The following DOCK7 variants were observed in gnomAD, a reference collection of about 807,000 sequenced individuals.
DOCK7 encodes dedicator of cytokinesis protein 7.
In DOCK7, 138 loss-of-function variants were observed where a neutral mutation model predicts 271.0. The observed-to-expected ratio is 0.51, with a 90% confidence interval of 0.44 to 0.59. DOCK7 has a LOEUF of 0.59. DOCK7 is among the 20% of genes least tolerant of loss of function. The pLI is 0.00. For missense variants in DOCK7, 2,066 were observed against 2,592.4 expected (o/e 0.80, Z 4.41); for synonymous variants, 823 against 876.1 (o/e 0.94, Z 1.07).
At chr1:62,562,959 C>T (rs1052268225) in intron 18 of DOCK7, among the ~76,000 whole-genome samples, 1 of 152,164 alleles carries the variant, frequency 6.6e-6, no homozygotes, top group Non-Finnish European at 1.5e-5. Context: ...AAATGAGGTA[C>T]CCCTCTCCCC....
At chr1:62,650,285 G>A (rs375296394) in intron 4 of DOCK7, among the ~76,000 whole-genome samples, 10 of 152,078 alleles carry the variant, frequency 6.6e-5, no homozygotes, top group East Asian at 5.8e-4. Context: ...AGTTGGTTTC[G>A]TTCACTGCTG....
At chr1:62,668,547 C>G (rs575356463) in intron 1 of DOCK7, among the ~76,000 whole-genome samples, 14 of 152,126 alleles carry the variant, frequency 9.2e-5, no homozygotes, top group African/African-American at 3.4e-4. Flanking sequence ...AGTAAAATGT[C>G]CTTGTATTAA....
intron 14 of DOCK7, among the ~76,000 whole-genome samples, chr1:62,594,469 A>G (rs1286027360): frequency 6.6e-6 from 1 of 152,072 alleles, no homozygotes; most frequent in African/African-American, 2.4e-5. Context: ...AAATTGCACA[A>G]ATTTTGCAAA....
chr1:62,578,981 A>C lies in DOCK7; in HGVS notation c.1872-15T>G. On this transcript the variant is annotated splice_polypyrimidine_tract_variant and intron_variant, in intron 16 of 49. Coordinates refer to ENST00000635253, the MANE Select transcript of DOCK7 (RefSeq NM_001367561.1). ...AATCAGGAGACCTTCATACAAAAAA[A>C]AAAAAAAATCAACAGTCAGTAATTT... 6.6e-7 allele frequency: 1 copy of C among 1,522,026 alleles called. No individual in the cohort carries two copies. The allele number at this position is 1,522,026 out of a possible 1,614,324, so 94.3% of individuals were successfully genotyped here.
intron 7 of DOCK7, among the ~76,000 whole-genome samples, chr1:62,637,832 T>C (rs1445942202): frequency 6.6e-6 from 1 of 152,134 alleles, no homozygotes; most frequent in East Asian, 1.9e-4. Flanking sequence ...AAGATAGCTA[T>C]ACCGAAGGTC....
chr1:62,602,494 C>A, intron 14 of DOCK7: 2 of 852,338 alleles, frequency 2.3e-6, no homozygotes, highest in Non-Finnish European at 4.0e-6. Flanking sequence ...GCAGTCTCAG[C>A]CTTCATATAA....
chr1:62,501,038 AT>A (rs1368322104), intron 37 of DOCK7, among the ~76,000 whole-genome samples: 2 of 146,052 alleles, frequency 1.4e-5, no homozygotes, highest in Non-Finnish European at 3.0e-5. Flanking sequence ...CGCTGTCTCT[AT>A]TTTTAAAAGG....
chr1:62,675,538 T>G (rs1165909076), intron 1 of DOCK7, among the ~76,000 whole-genome samples: 1 of 152,148 alleles, frequency 6.6e-6, no homozygotes, highest in Non-Finnish European at 1.5e-5. Flanking sequence ...ATCCCAGCAC[T>G]TTGGGAGGCC....
intron 11 of DOCK7, chr1:62,629,240 A>G (rs969440197): frequency 2.0e-5 from 3 of 152,182 alleles, no homozygotes; most frequent in Non-Finnish European, 4.4e-5. Context: ...ACTCCTAGCT[A>G]TATATCTACA....
At chr1:62,554,456 A>G (rs1207574223) in intron 21 of DOCK7, among the ~76,000 whole-genome samples, 3 of 133,126 alleles carry the variant, frequency 2.3e-5, no homozygotes, top group Non-Finnish European at 4.7e-5. Flanking sequence ...TGGGCAACAG[A>G]GTGAGACTCC....
chr1:62,457,413 C>T, intron 49 of DOCK7, 125 bp downstream of exon 49: 1 of 962,292 alleles, frequency 1.0e-6, no homozygotes, highest in Non-Finnish European at 1.5e-6. Context: ...AATCTGAAAC[C>T]CCAAACACTT....
rs189550341 is a variant in DOCK7 at position 62,669,574 on chromosome 1, T to C, written c.39-6444A>G. On this transcript the variant is annotated intron_variant, in intron 1 of 49. Coordinates refer to ENST00000635253, the MANE Select transcript of DOCK7 (RefSeq NM_001367561.1). Reference sequence around the variant, plus strand: ...CAAGAAATTACATGTTTTCAAACTCTAGTGGCATTTTTCTATCTCATTGTG... The same window carrying C: ...CAAGAAATTACATGTTTTCAAACTCCAGTGGCATTTTTCTATCTCATTGTG... 1.1e-3 allele frequency among the ~76,000 whole-genome samples: 162 copies of C among 152,376 alleles called. 1 individual carries two copies. Among genetic ancestry groups the C allele is most frequent in the African/African-American group, 3.7e-3 (155 of 41,594 alleles).
At chr1:62,655,415 T>A (rs555958429) in intron 2 of DOCK7, among the ~76,000 whole-genome samples, 3 of 128,208 alleles carry the variant, frequency 2.3e-5, no homozygotes, top group African/African-American at 7.9e-5. Flanking sequence ...CTGAACTTTT[T>A]TTTTCTTTTC....
intron 18 of DOCK7, among the ~76,000 whole-genome samples, chr1:62,562,291 G>T (rs1646351715): frequency 6.8e-6 from 1 of 148,114 alleles, no homozygotes; most frequent in East Asian, 2.0e-4. Context: ...GAGTGCAGTG[G>T]CATGATTTCA....
chr1:62,510,152 A>G (rs889088402), intron 34 of DOCK7, among the ~76,000 whole-genome samples: 1 of 152,216 alleles, frequency 6.6e-6, no homozygotes, highest in Admixed American at 6.5e-5. Flanking sequence ...GGATCAGTCA[A>G]TGTATCAAGT....
rs1284167653 is a variant in DOCK7 at position 62,535,610 on chromosome 1, A to C, written c.3494T>G (p.Val1165Gly). Reference protein sequence around the residue: ...TSQSSGFSTNVQDQKIANMFE... With the variant: ...TSQSSGFSTNGQDQKIANMFE... The stretch of plus-strand genomic sequence containing the variant: ...CATATTTGCAATCTTTTGGTCTTGT[A>C]CATTCGTAGAAAATCCAGAACTCTG... Residue 1165 changes from valine (V) to glycine (G), a missense_variant, in exon 29 of 50, where the codon GTA becomes GGA. Physicochemically the swap from Val to Gly is moderately radical, Grantham distance 109. Coordinates refer to ENST00000635253, the MANE Select transcript of DOCK7 (RefSeq NM_001367561.1). 9 of 1,613,852 alleles carry C rather than the reference A, an allele frequency of 5.6e-6. No homozygotes were observed. Among genetic ancestry groups the C allele is most frequent in the Non-Finnish European group, 7.6e-6 (9 of 1,179,850 alleles).
chr1:62,496,245 C>T (rs1476244286), intron 38 of DOCK7, 94 bp downstream of exon 38: 1 of 1,433,426 alleles, frequency 7.0e-7, no homozygotes, highest in Non-Finnish European at 9.6e-7. Flanking sequence ...ATAAATGATC[C>T]TCCAGCAAAA....
intron 14 of DOCK7, among the ~76,000 whole-genome samples, chr1:62,597,039 A>G (rs886662299): frequency 1.3e-5 from 2 of 152,208 alleles, no homozygotes; most frequent in Non-Finnish European, 2.9e-5. Context: ...CCAGAGGAAC[A>G]CAGCATTGAG....
chr1:62,658,501 G>A (rs1658293533), intron 2 of DOCK7, among the ~76,000 whole-genome samples: 1 of 152,070 alleles, frequency 6.6e-6, no homozygotes, highest in South Asian at 2.1e-4. Context: ...AAGCAGTGAG[G>A]AGAAAACGAC....
Sources: gnomAD v4.1 joint callset for allele counts (sites outside exome capture counted in the v4.1 genomes callset) on GRCh38, gnomAD v4.1.1 for gene constraint, MANE v1.5 for transcripts, NCBI Gene and HGNC (gene_info 2026-07-23, HGNC 2026-07-21) for gene names.